The following CAMTA1 variants were observed in gnomAD, a reference collection of about 807,000 sequenced individuals.
The protein encoded by CAMTA1 is calmodulin binding transcription activator 1, also known as calmodulin-binding transcription activator 1.
In CAMTA1, 27 loss-of-function variants were observed where a neutral mutation model predicts 170.9. The ratio of observed to expected loss-of-function variants is 0.16; its 90% CI spans 0.12 to 0.22. The LOEUF (loss-of-function observed/expected upper bound fraction) is 0.22. CAMTA1 is among the 10% of genes least tolerant of loss of function. The pLI, the probability that CAMTA1 is intolerant of heterozygous loss-of-function variation, is 1.00. For synonymous variants in CAMTA1, 833 were observed against 891.5 expected, an observed-to-expected ratio of 0.93 and a Z score of 1.17; for missense variants, 1,619 against 2,217.2, an observed-to-expected ratio of 0.73 and a Z score of 5.42.
chr1:7,219,953 T>C (rs1316033960), intron 4 of CAMTA1, among the ~76,000 whole-genome samples: 2 of 152,194 alleles, frequency 1.3e-5, no homozygotes, highest in East Asian at 3.8e-4. Flanking sequence ...TGGCCGTCTG[T>C]AGGCCAGGAA....
chr1:7,169,564 G>A (rs961056060), intron 4 of CAMTA1, among the ~76,000 whole-genome samples: 1 of 152,100 alleles, frequency 6.6e-6, no homozygotes, highest in Non-Finnish European at 1.5e-5. Context: ...GAGTGCAGTA[G>A]TGCAATCTCA....
Position 7,249,711 on chromosome 1 carries a change from G to A in CAMTA1, c.438+85G>A, listed in dbSNP as rs1242096779. 4 of 1,478,862 alleles carry A rather than the reference G, an allele frequency of 2.7e-6. No homozygotes were observed. Among genetic ancestry groups the A allele is most frequent in the East Asian group, 2.3e-5 (1 of 42,612 alleles). 91.6% of individuals were successfully genotyped at this position (1,478,862 alleles called of 1,614,324 possible). A position where few individuals can be genotyped will look rare whatever the true frequency, so the allele number is the denominator to read the frequency against. ...ATGGAATTGCTTGGAGTAATTTGAT[G>A]CGAGTCACCTCTGTCCAAAGAATTT... is the stretch of plus-strand genomic sequence containing the variant. On this transcript the variant is annotated intron_variant, in intron 5 of 22. Transcript: ENST00000303635. The surrounding 1 kb of genome is among the most constrained non-coding windows in gnomAD (Gnocchi z 4.4).
At chr1:7,543,660 G>A (rs2094645750) in intron 6 of CAMTA1, among the ~76,000 whole-genome samples, 1 of 152,178 alleles carries the variant, frequency 6.6e-6, no homozygotes, top group Non-Finnish European at 1.5e-5. Flanking sequence ...TGATGAATCC[G>A]AGTTTTCTGA....
chr1:7,174,126 G>T (rs1438950800), intron 4 of CAMTA1, among the ~76,000 whole-genome samples: 1 of 152,114 alleles, frequency 6.6e-6, no homozygotes, highest in Admixed American at 6.5e-5. Flanking sequence ...AGGGAGCAGT[G>T]CAAAGCAAGC....
chr1:7,058,111 G>C (rs2101703797), intron 3 of CAMTA1, among the ~76,000 whole-genome samples: 1 of 152,244 alleles, frequency 6.6e-6, no homozygotes, highest in South Asian at 2.1e-4. Context: ...ACACCAGATG[G>C]CTATGGCCCT....
intron 1 of CAMTA1, among the ~76,000 whole-genome samples, chr1:6,803,654 G>GT (rs1644156380): frequency 6.6e-6 from 1 of 152,192 alleles, no homozygotes; most frequent in Non-Finnish European, 1.5e-5. Flanking sequence ...GAAAGTGTAT[G>GT]TTTTTAAAGA....
At chr1:7,163,479 A>G (rs1558190023) in intron 4 of CAMTA1, among the ~76,000 whole-genome samples, 1 of 152,146 alleles carries the variant, frequency 6.6e-6, no homozygotes, top group African/African-American at 2.4e-5. Context: ...GATGGCAGTG[A>G]TGGGAAGCGA....
intron 5 of CAMTA1, among the ~76,000 whole-genome samples, chr1:7,341,301 G>A (rs2083810238): frequency 6.6e-6 from 1 of 152,176 alleles, no homozygotes; most frequent in Admixed American, 6.5e-5. Flanking sequence ...GCAGGTGGGG[G>A]CTGCCATGAG....
At chr1:7,177,970 A>G (rs1212854948) in intron 4 of CAMTA1, among the ~76,000 whole-genome samples, 1 of 150,024 alleles carries the variant, frequency 6.7e-6, no homozygotes, top group Non-Finnish European at 1.5e-5. Context: ...CACACACTGA[A>G]CCCCCTCCCC....
At chr1:7,279,382 T>C (rs1181782637) in intron 5 of CAMTA1, among the ~76,000 whole-genome samples, 2 of 152,206 alleles carry the variant, frequency 1.3e-5, no homozygotes, top group African/African-American at 4.8e-5. Context: ...GGTGAGTTTC[T>C]TCTCCCTGTG....
chr1:7,708,773 A>C (rs1286630876), intron 11 of CAMTA1, among the ~76,000 whole-genome samples: 2 of 152,342 alleles, frequency 1.3e-5, no homozygotes, highest in East Asian at 3.9e-4. Context: ...ACTTTGAGGA[A>C]GGTAAAGTAT....
At chr1:7,753,049 A>G (rs1047219751) in intron 21 of CAMTA1, among the ~76,000 whole-genome samples, 1 of 152,208 alleles carries the variant, frequency 6.6e-6, no homozygotes, top group South Asian at 2.1e-4. Flanking sequence ...TAAACTATCA[A>G]TTAAAGCCGG....
At chr1:7,568,366 T>TC (rs2095072144) in intron 6 of CAMTA1, among the ~76,000 whole-genome samples, 2 of 116,260 alleles carry the variant, frequency 1.7e-5, no homozygotes, top group African/African-American at 3.6e-5. Context: ...TCGACATCAC[T>TC]GTCATCACCA....
rs981786940 is a variant in CAMTA1 at position 7,426,310 on chromosome 1, G to A, written c.439-41520G>A. On this transcript the variant is annotated intron_variant, in intron 5 of 22. Coordinates refer to ENST00000303635, the MANE Select transcript of CAMTA1 (RefSeq NM_015215.4). This position sits in a 1 kb window ranked among gnomAD's most constrained non-coding sequence, Gnocchi z 4.8. ...TTTCTGTAGCCCCTCAGAGTCCTAG[G>A]GTGCCCTGCCTGGTGGGTGCATGGG... Among the ~76,000 whole-genome samples, 3 of 151,954 alleles carry A rather than the reference G, an allele frequency of 2.0e-5. No individual in the cohort carries two copies. The highest frequency in any genetic ancestry group is 4.4e-5 in the Non-Finnish European group (3 of 67,994).
intron 3 of CAMTA1, among the ~76,000 whole-genome samples, chr1:6,973,981 T>C (rs1557909261): frequency 6.6e-6 from 1 of 152,210 alleles, no homozygotes; most frequent in Non-Finnish European, 1.5e-5. Flanking sequence ...CTGTGTGAAA[T>C]GTGATCCTCA....
intron 3 of CAMTA1, chr1:6,886,326 G>C (rs977562975): frequency 2.2e-6 from 1 of 445,062 alleles, no homozygotes; most frequent in African/African-American, 2.0e-5. Flanking sequence ...AGAGGAACTC[G>C]TATTTTATGT....
At chr1:7,601,572 T>C (rs2095443263) in intron 6 of CAMTA1, among the ~76,000 whole-genome samples, 1 of 152,164 alleles carries the variant, frequency 6.6e-6, no homozygotes, top group Admixed American at 6.5e-5. Flanking sequence ...CTCGGCACTT[T>C]GGGAGGCCAA....
At chr1:6,954,467 A>G (rs1273359823) in intron 3 of CAMTA1, among the ~76,000 whole-genome samples, 2 of 152,232 alleles carry the variant, frequency 1.3e-5, no homozygotes, top group African/African-American at 4.8e-5. Flanking sequence ...TCCAAAGTGG[A>G]TCTCCTAGGC....
At chr1:7,442,399 C>T (rs145218613) in intron 5 of CAMTA1, among the ~76,000 whole-genome samples, 3 of 152,184 alleles carry the variant, frequency 2.0e-5, no homozygotes, top group East Asian at 1.9e-4. Flanking sequence ...CAAAATTATT[C>T]GGAGATTGAA....
Sources: allele counts gnomAD v4.1 joint callset (sites outside exome capture counted in the v4.1 genomes callset), GRCh38; gene constraint gnomAD v4.1.1; non-coding constraint Gnocchi (gnomAD v3.1); transcripts MANE v1.5; gene names NCBI Gene and HGNC (gene_info 2026-07-23, HGNC 2026-07-21).